The following TBC1D1 variants were observed in gnomAD, a reference collection of about 807,000 sequenced individuals.
The protein encoded by TBC1D1 is TBC1 domain family member 1.
In TBC1D1, 89 loss-of-function variants were observed where a neutral mutation model predicts 125.6. The observed-to-expected ratio is 0.71, with a 90% confidence interval of 0.60 to 0.85. The LOEUF (loss-of-function observed/expected upper bound fraction) is 0.85. Among genes scored for constraint, TBC1D1 ranks in the 40% least tolerant of loss-of-function variants. The pLI, the probability that TBC1D1 is intolerant of heterozygous loss-of-function variation, is 0.00. For missense variants in TBC1D1, 1,377 were observed against 1,469.2 expected (o/e 0.94, Z 1.03); for synonymous variants, 565 against 564.1 (o/e 1.00, Z -0.02).
chr4:38,052,074 C>A lies in TBC1D1; in HGVS notation c.1911-2125C>A, dbSNP rs1271947867. 1 of 1,550,648 alleles carries A rather than the reference C, an allele frequency of 6.4e-7. No homozygotes were observed. Among genetic ancestry groups the A allele is most frequent in the Non-Finnish European group, 8.7e-7 (1 of 1,146,814 alleles). ...TGTGCCAAAGAGGTGAGCACACTCA[C>A]GTGGCAAGTTTGGTGTTGTCTGTTT... On this transcript the variant is annotated intron_variant, in intron 11 of 19. Transcript: ENST00000261439.
chr4:37,907,467 G>A (rs532048832), intron 2 of TBC1D1, among the ~76,000 whole-genome samples: 64 of 152,022 alleles, frequency 4.2e-4, no homozygotes, highest in African/African-American at 1.4e-3. Flanking sequence ...TGTAACCTCC[G>A]CCTCTCGGGT....
Position 38,054,320 on chromosome 4 carries a change from T to C in TBC1D1, c.2032T>C (p.Ser678Pro). ...AGCCACCCCGCAGAAGGCGTGCGAT[T>C]CTTCCAGCAGATATGAAGGTAAGGC... is the stretch of plus-strand genomic sequence containing the variant. The change falls in exon 12 of 20, where the codon TCT becomes CCT. Residue 678 changes from serine to proline, a missense_variant. This residue lies in a region of TBC1D1 where 543 missense variants were observed against 613.5 expected (regional missense o/e 0.89). Transcript: ENST00000261439. 1 of 1,614,136 alleles carries C rather than the reference T, an allele frequency of 6.2e-7. No homozygotes were observed.
chr4:37,954,261 C>T (rs745424586), intron 2 of TBC1D1, among the ~76,000 whole-genome samples: 5 of 152,110 alleles, frequency 3.3e-5, no homozygotes, highest in Non-Finnish European at 5.9e-5. Context: ...ATTGGCCAGA[C>T]GTGGGTCACA....
Position 38,041,080 on chromosome 4 carries a change from A to T in TBC1D1, c.1414-3282A>T, listed in dbSNP as rs1748273508. On this transcript the variant is annotated intron_variant, in intron 8 of 19. Transcript: ENST00000261439. The stretch of plus-strand genomic sequence containing the variant: ...ATATTCTCATTCTCATAGAGAGTCC[A>T]ATTATGGATAATTGGACAAAGCTGA... 2.6e-5 allele frequency among the ~76,000 whole-genome samples: 4 copies of T among 152,220 alleles called. 1 individual carries two copies. In the South Asian group the frequency reaches 8.3e-4, roughly 31 times the overall value.
intron 7 of TBC1D1, among the ~76,000 whole-genome samples, chr4:38,034,012 A>T (rs1746723804): frequency 6.6e-6 from 1 of 152,220 alleles, no homozygotes; most frequent in South Asian, 2.1e-4. Context: ...CATTTGGGTA[A>T]ACACCAAGGA....
intron 2 of TBC1D1, among the ~76,000 whole-genome samples, chr4:37,966,951 A>G (rs768598483): frequency 7.9e-5 from 12 of 152,356 alleles, no homozygotes; most frequent in Non-Finnish European, 1.2e-4. Flanking sequence ...TCTTGTTGAC[A>G]TGCAAGTACC....
rs140026873 is a variant in TBC1D1 at position 38,033,540 on chromosome 4, G to A, written c.1303-2048G>A. Among the ~76,000 whole-genome samples the A allele has an allele frequency of 1.8e-3, 271 of 152,264 alleles. 1 individual carries two copies. The highest frequency in any genetic ancestry group is 6.3e-3 in the African/African-American group (262 of 41,532). On this transcript the variant is annotated intron_variant, in intron 7 of 19. Coordinates refer to ENST00000261439, the MANE Select transcript of TBC1D1 (RefSeq NM_015173.4). ...AGGGTTTCTTCATTATAATTGATGAGCCAATATTTGTACATTGATATTAAC... is the reference window on the plus strand; with the variant it reads ...AGGGTTTCTTCATTATAATTGATGAACCAATATTTGTACATTGATATTAAC...
At position 38,137,482 on chromosome 4, in the gene TBC1D1, T is replaced by TC; in HGVS notation, c.*149dup. 1 of 1,189,242 alleles carries TC rather than the reference T, an allele frequency of 8.4e-7. No individual in the cohort carries two copies. The highest frequency in any genetic ancestry group is 1.1e-6 in the Non-Finnish European group (1 of 927,266). The allele number at this position is 1,189,242 out of a possible 1,614,324, so 73.7% of individuals were successfully genotyped here. On this transcript the variant is annotated 3_prime_UTR_variant, in exon 20 of 20. Coordinates refer to ENST00000261439, the MANE Select transcript of TBC1D1 (RefSeq NM_015173.4). ...TGCCAGCAAGTAGATTCTTACGAAC[T>TC]CCAACTTGCAATTCAGGGGGCATGT...
At chr4:37,936,209 T>G (rs1724358641) in intron 2 of TBC1D1, among the ~76,000 whole-genome samples, 1 of 152,210 alleles carries the variant, frequency 6.6e-6, no homozygotes, top group East Asian at 1.9e-4. Context: ...TACACATACC[T>G]GTGATAAAGT....
chr4:37,932,459 C>G (rs1426973002), intron 2 of TBC1D1, among the ~76,000 whole-genome samples: 2 of 152,098 alleles, frequency 1.3e-5, no homozygotes, highest in Non-Finnish European at 2.9e-5. Flanking sequence ...GAAAAAGACA[C>G]TAGAAAATTT....
At chr4:38,114,383 T>G (rs748773592) in intron 15 of TBC1D1, among the ~76,000 whole-genome samples, 11 of 152,344 alleles carry the variant, frequency 7.2e-5, no homozygotes, top group Non-Finnish European at 1.2e-4. Context: ...CAAGTTCAGA[T>G]AACACATCTG....
intron 2 of TBC1D1, among the ~76,000 whole-genome samples, chr4:37,951,267 A>C (rs1313407976): frequency 6.6e-6 from 1 of 152,166 alleles, no homozygotes; most frequent in African/African-American, 2.4e-5. Context: ...TGTTTTTAAA[A>C]ATGATCGTGG....
chr4:37,957,635 T>C (rs1729187959), intron 2 of TBC1D1, among the ~76,000 whole-genome samples: 1 of 152,068 alleles, frequency 6.6e-6, no homozygotes, highest in South Asian at 2.1e-4. Context: ...AACAAATAAA[T>C]AAATAATATA....
chr4:38,045,822 T>A lies in TBC1D1; in HGVS notation c.1548T>A (p.Asn516Lys). The A allele has an allele frequency of 6.2e-7, 1 of 1,614,088 alleles. No individual in the cohort carries two copies. The highest frequency in any genetic ancestry group is 8.5e-7 in the Non-Finnish European group (1 of 1,179,934). Residue 516 changes from asparagine (N) to lysine (K), a missense_variant, in exon 10 of 20, where the codon AAT (asparagine) becomes AAA (lysine). By Grantham distance (94) the Asn-to-Lys change is moderately conservative. This residue lies in a region of TBC1D1 where 822 missense variants were observed against 824.6 expected (regional missense o/e 1.00). Transcript: ENST00000261439. ...ACTGCCTTTTCTTTATGTAGGGTAA[T>A]AAAGCCAGAGGCCTGCAGGAACACT...
chr4:38,135,843 AAT>A (rs1227457371), intron 19 of TBC1D1, among the ~76,000 whole-genome samples: 13 of 131,546 alleles, frequency 9.9e-5, no homozygotes, highest in Middle Eastern at 3.8e-3. Flanking sequence ...AAAAATGAAA[AAT>A]ATATATATAT....
intron 2 of TBC1D1, among the ~76,000 whole-genome samples, chr4:37,908,299 G>A (rs1355806566): frequency 2.0e-5 from 3 of 152,050 alleles, no homozygotes; most frequent in African/African-American, 7.2e-5. Flanking sequence ...TCTGCCTACC[G>A]GGTTCAAGAG....
chr4:37,961,560 T>C (rs1730065004), intron 2 of TBC1D1, among the ~76,000 whole-genome samples: 2 of 152,226 alleles, frequency 1.3e-5, no homozygotes, highest in African/African-American at 4.8e-5. Context: ...TTGAATTCTG[T>C]ACAAAGCTTT....
At chr4:37,942,476 C>A (rs1725776942) in intron 2 of TBC1D1, among the ~76,000 whole-genome samples, 1 of 152,076 alleles carries the variant, frequency 6.6e-6, no homozygotes. Context: ...GACTCTTTAT[C>A]CAGTTTGCCA....
At chr4:37,972,917 AAAAAG>A (rs1320424904) in intron 2 of TBC1D1, among the ~76,000 whole-genome samples, 9 of 151,960 alleles carry the variant, frequency 5.9e-5, no homozygotes, top group African/African-American at 2.2e-4. Context: ...AAAAAAAAAA[AAAAAG>A]AAAATAGTGT....
Sources: gnomAD v4.1 joint callset for allele counts (sites outside exome capture counted in the v4.1 genomes callset) on GRCh38, gnomAD v4.1.1 for gene constraint, gnomAD v4.1.1 regional missense constraint, MANE v1.5 for transcripts, NCBI Gene and HGNC (gene_info 2026-07-23, HGNC 2026-07-21) for gene names.